ESRRG: variants seen among roughly 807,000 people sequenced by gnomAD.
The protein encoded by ESRRG is estrogen-related receptor gamma.
In ESRRG, 13 loss-of-function variants were observed where a neutral mutation model predicts 44.0. The observed-to-expected ratio is 0.30, with a 90% CI of 0.19 to 0.47. The LOEUF is 0.47. Ranked by LOEUF, ESRRG falls within the 20% of genes least tolerant of loss-of-function variation. The pLI is 1.00. For missense variants in ESRRG, 395 were observed against 580.6 expected (o/e 0.68, Z 3.29); for synonymous variants, 215 against 214.6 (o/e 1.00, Z -0.02).
intron 6 of ESRRG, among the ~76,000 whole-genome samples, chr1:216,511,564 C>CACACACACACACACACACACACACACAG (rs1284316047): frequency 2.0e-5 from 3 of 151,924 alleles, no homozygotes; most frequent in Non-Finnish European, 4.4e-5. Flanking sequence ...CACACACACA[C>CACACACACACACACACACACACACACAG]AGACAAATAC....
intron 2 of ESRRG, among the ~76,000 whole-genome samples, chr1:216,929,784 T>C (rs982222479): frequency 6.6e-6 from 1 of 152,058 alleles, no homozygotes; most frequent in Non-Finnish European, 1.5e-5. Flanking sequence ...CAAATGAGAA[T>C]ATTGGACCAG....
intron 1 of ESRRG, among the ~76,000 whole-genome samples, chr1:216,976,738 GTGTTT>G (rs1393882987): frequency 6.6e-6 from 1 of 151,986 alleles, no homozygotes; most frequent in Non-Finnish European, 1.5e-5. Context: ...GATGTGGTTT[GTGTTT>G]TGTTTTGTGC....
chr1:216,528,150 A>G (rs2048245684), intron 5 of ESRRG, among the ~76,000 whole-genome samples: 2 of 152,220 alleles, frequency 1.3e-5, no homozygotes, highest in Non-Finnish European at 2.9e-5. Context: ...CACAGAAAAT[A>G]CATCAACATA....
chr1:216,723,333 C>T lies in ESRRG; in HGVS notation c.-34G>A, dbSNP rs1392860640. 1 of 1,609,656 alleles carries T rather than the reference C, an allele frequency of 6.2e-7. No individual in the cohort carries two copies. Among genetic ancestry groups the T allele is most frequent in the Non-Finnish European group, 8.5e-7 (1 of 1,175,944 alleles). On this transcript the variant is annotated 5_prime_UTR_variant, in exon 1 of 7. Coordinates refer to ENST00000408911, the MANE Select transcript of ESRRG (RefSeq NM_001438.4). The stretch of plus-strand genomic sequence containing the variant: ...GGCAACCATTATTTGTGCACCCCAG[C>T]TATAAATCAAAGTTTCCTTGACAGA...
chr1:217,067,334 G>A (rs1012481133), intron 1 of ESRRG, among the ~76,000 whole-genome samples: 3 of 152,156 alleles, frequency 2.0e-5, no homozygotes, highest in African/African-American at 7.2e-5. Flanking sequence ...GAAATACAGA[G>A]TCAACTCGAA....
At chr1:216,620,699 A>C (rs529733464) in intron 3 of ESRRG, among the ~76,000 whole-genome samples, 1 of 152,318 alleles carries the variant, frequency 6.6e-6, no homozygotes, top group East Asian at 1.9e-4. Context: ...GATGCTTAAG[A>C]CATATTTTAT....
At chr1:216,656,715 C>T (rs2070698197) in intron 2 of ESRRG, among the ~76,000 whole-genome samples, 1 of 152,194 alleles carries the variant, frequency 6.6e-6, no homozygotes, top group Non-Finnish European at 1.5e-5. Context: ...TAACATCACT[C>T]CCACATGGTA....
At chr1:216,833,094 C>G (rs930494561) in intron 2 of ESRRG, among the ~76,000 whole-genome samples, 1 of 151,916 alleles carries the variant, frequency 6.6e-6, no homozygotes, top group Non-Finnish European at 1.5e-5. Context: ...TGAACAATTC[C>G]AAGGCATTGA....
At chr1:216,588,142 T>C (rs997028645) in intron 3 of ESRRG, among the ~76,000 whole-genome samples, 7 of 152,200 alleles carry the variant, frequency 4.6e-5, no homozygotes, top group Non-Finnish European at 7.4e-5. Context: ...TATCAATAAA[T>C]AAGTGAAGTA....
intron 1 of ESRRG, among the ~76,000 whole-genome samples, chr1:217,028,216 A>T (rs918088979): frequency 6.6e-6 from 1 of 152,210 alleles, no homozygotes; most frequent in Non-Finnish European, 1.5e-5. Context: ...GAAGAAATTA[A>T]TTCAGCCTCT....
intron 5 of ESRRG, among the ~76,000 whole-genome samples, chr1:216,559,014 C>T (rs995836061): frequency 2.0e-5 from 3 of 151,472 alleles, no homozygotes; most frequent in African/African-American, 4.8e-5. Context: ...GGATTACAGG[C>T]ACACACCACC....
intron 2 of ESRRG, among the ~76,000 whole-genome samples, chr1:216,758,895 T>C (rs538187356): frequency 1.3e-5 from 2 of 152,060 alleles, no homozygotes; most frequent in South Asian, 4.2e-4. Context: ...GTACTTACTA[T>C]ATATTTTTTT....
intron 3 of ESRRG, among the ~76,000 whole-genome samples, chr1:216,609,193 C>G (rs2060305060): frequency 6.6e-6 from 1 of 152,230 alleles, no homozygotes; most frequent in Non-Finnish European, 1.5e-5. Flanking sequence ...GGATTTCCCA[C>G]TTACATTTAT....
intron 1 of ESRRG, among the ~76,000 whole-genome samples, chr1:216,709,418 T>C (rs2151953275): frequency 1.3e-5 from 2 of 151,610 alleles, no homozygotes; most frequent in Middle Eastern, 3.5e-3. Flanking sequence ...TTTTCCTGGA[T>C]ATGGCCAAGT....
intron 5 of ESRRG, among the ~76,000 whole-genome samples, chr1:216,532,650 C>T (rs1479907828): frequency 6.6e-6 from 1 of 152,086 alleles, no homozygotes; most frequent in East Asian, 1.9e-4. Flanking sequence ...CAGAAAATTC[C>T]TATTAAGGGA....
At chr1:216,761,163 A>T (rs2092750490) in intron 2 of ESRRG, among the ~76,000 whole-genome samples, 1 of 80,832 alleles carries the variant, frequency 1.2e-5, no homozygotes, top group African/African-American at 3.0e-5. Flanking sequence ...CTACACAAAT[A>T]AAAAAAAAAA....
chr1:217,110,491 G>A lies in ESRRG; in HGVS notation c.-230+27176C>T, dbSNP rs112419093. Among the ~76,000 whole-genome samples, 44 of 152,266 alleles carry A rather than the reference G, an allele frequency of 2.9e-4. 1 individual carries two copies. The highest frequency in any genetic ancestry group is 8.9e-4 in the African/African-American group (37 of 41,550). ...ACTGGATAGTTTATAAAGAAAAGAC[G>A]TTTACTTGGCTCACAGTTCTGAAAG... On this transcript the variant is annotated intron_variant, in intron 1 of 8. Transcript: ENST00000366940.
chr1:216,623,091 T>TG (rs1207609203), intron 3 of ESRRG, among the ~76,000 whole-genome samples: 1 of 138,228 alleles, frequency 7.2e-6, no homozygotes, highest in Non-Finnish European at 1.6e-5. Context: ...TTTTTTTTTT[T>TG]TTTTTTTTTG....
chr1:216,816,086 A>G (rs1472577602), intron 2 of ESRRG, among the ~76,000 whole-genome samples: 3 of 152,200 alleles, frequency 2.0e-5, no homozygotes, highest in Non-Finnish European at 4.4e-5. Flanking sequence ...CTTGACTTGC[A>G]CAGATGCTAA....
Sources: gnomAD v4.1 joint callset for allele counts (sites outside exome capture counted in the v4.1 genomes callset) on GRCh38, gnomAD v4.1.1 for gene constraint, MANE v1.5 for transcripts, NCBI Gene and HGNC (gene_info 2026-07-23, HGNC 2026-07-21) for gene names.